Variants in DLG2 observed in about 807,000 individuals in gnomAD.
The protein encoded by DLG2 is disks large homolog 2.
Under a neutral mutation model 132.5 loss-of-function variants are expected in DLG2, and 45 were observed. The ratio of observed to expected loss-of-function variants is 0.34; its 90% CI spans 0.27 to 0.44. The LOEUF (loss-of-function observed/expected upper bound fraction) is 0.44. Among genes scored for constraint, DLG2 ranks in the 20% least tolerant of loss-of-function variants. DLG2 has a pLI of 1.00. For missense variants in DLG2, 1,045 were observed against 1,196.9 expected, an observed-to-expected ratio of 0.87 and a Z score of 1.87; for synonymous variants, 424 against 419.6, an observed-to-expected ratio of 1.01 and a Z score of -0.13.
At chr11:85,520,767 A>T (rs1014569286) in intron 3 of DLG2, among the ~76,000 whole-genome samples, 10 of 152,208 alleles carry the variant, frequency 6.6e-5, no homozygotes, top group African/African-American at 2.4e-4. Flanking sequence ...TGAAGAAAGG[A>T]TAGTCTCCTC....
intron 7 of DLG2, among the ~76,000 whole-genome samples, chr11:84,533,871 T>C (rs1018102525): frequency 2.2e-4 from 26 of 120,364 alleles, no homozygotes; most frequent in African/African-American, 8.1e-4. Context: ...AAGCTTTTTA[T>C]CCCAAACACA....
intron 6 of DLG2, among the ~76,000 whole-genome samples, chr11:84,806,775 T>C (rs992349612): frequency 1.3e-5 from 2 of 152,196 alleles, no homozygotes; most frequent in Non-Finnish European, 2.9e-5. Flanking sequence ...GTAAACCTTC[T>C]GGGCAAATAC....
chr11:85,080,130 C>G (rs992860586), intron 6 of DLG2, among the ~76,000 whole-genome samples: 2 of 152,062 alleles, frequency 1.3e-5, no homozygotes, highest in African/African-American at 4.8e-5. Context: ...TACAATCTCA[C>G]ATGCCCACCT....
intron 16 of DLG2, among the ~76,000 whole-genome samples, 197 bp downstream of exon 16, chr11:83,874,221 GAA>G (rs979109279): frequency 1.9e-5 from 1 of 51,954 alleles, no homozygotes; most frequent in African/African-American, 1.1e-4. Context: ...CAGAAAAAAA[GAA>G]AGAAAGAAAG....
At chr11:85,197,621 G>A (rs1309706103) in intron 4 of DLG2, among the ~76,000 whole-genome samples, 1 of 152,050 alleles carries the variant, frequency 6.6e-6, no homozygotes, top group Non-Finnish European at 1.5e-5. Flanking sequence ...TAGATTTCTA[G>A]ACATAAATTT....
chr11:83,652,042 G>A, intron 18 of DLG2: 1 of 292,316 alleles, frequency 3.4e-6, no homozygotes, highest in Non-Finnish European at 7.1e-6. Context: ...GCAGAAAAGA[G>A]AAAAAATTAT....
intron 7 of DLG2, among the ~76,000 whole-genome samples, chr11:84,503,306 A>G (rs1344782913): frequency 1.3e-5 from 2 of 152,208 alleles, no homozygotes; most frequent in Non-Finnish European, 2.9e-5. Context: ...ACTATGTGTG[A>G]AAGACCTAAT....
At chr11:84,975,304 G>T (rs772940627) in intron 6 of DLG2, among the ~76,000 whole-genome samples, 1 of 152,252 alleles carries the variant, frequency 6.6e-6, no homozygotes, top group South Asian at 2.1e-4. Flanking sequence ...TGCATAGGTG[G>T]GGTGATGATG....
chr11:84,827,676 C>CAAAAAAAAAAAAAAAAAAA (rs398016953), intron 6 of DLG2, among the ~76,000 whole-genome samples: 2 of 35,098 alleles, frequency 5.7e-5, no homozygotes, highest in African/African-American at 1.4e-4. Context: ...TACATACAGT[C>CAAAAAAAAAAAAAAAAAAA]AAAAAAAAAA....
chr11:84,236,841 A>AT (rs2097163890), intron 8 of DLG2, among the ~76,000 whole-genome samples: 1 of 151,818 alleles, frequency 6.6e-6, no homozygotes, highest in Admixed American at 6.6e-5. Flanking sequence ...ACTTGGAGAG[A>AT]TTTTTTAACA....
At chr11:85,259,771 T>A (rs1229754530) in intron 4 of DLG2, among the ~76,000 whole-genome samples, 1 of 152,034 alleles carries the variant, frequency 6.6e-6, no homozygotes, top group Non-Finnish European at 1.5e-5. Flanking sequence ...AATTATTTAA[T>A]ACATCCACAT....
At chr11:85,389,852 C>G (rs529375036) in intron 3 of DLG2, among the ~76,000 whole-genome samples, 1 of 152,118 alleles carries the variant, frequency 6.6e-6, no homozygotes, top group Non-Finnish European at 1.5e-5. Context: ...ATAAGAATTA[C>G]TAAAAGGAGC....
At chr11:85,040,118 A>G (rs1474022955) in intron 6 of DLG2, among the ~76,000 whole-genome samples, 5 of 151,954 alleles carry the variant, frequency 3.3e-5, no homozygotes, top group Admixed American at 6.6e-5. Flanking sequence ...ACAAAAGATC[A>G]TAAATTATAA....
chr11:85,045,957 A>C (rs2062305330), intron 6 of DLG2, among the ~76,000 whole-genome samples: 1 of 152,098 alleles, frequency 6.6e-6, no homozygotes, highest in East Asian at 1.9e-4. Context: ...TAAACGAATC[A>C]AATGATGCCA....
Position 85,019,186 on chromosome 11 carries a change from C to T in DLG2, c.357+92475G>A, listed in dbSNP as rs1566660768. On this transcript the variant is annotated intron_variant, in intron 6 of 27. Coordinates refer to ENST00000376104, the MANE Select transcript of DLG2 (RefSeq NM_001142699.3). The stretch of plus-strand genomic sequence containing the variant: ...TTACTTTGGAGACAGTTGATGAAAA[C>T]CATACATCCTTTTTATTGTTAAGTC... 2.0e-5 allele frequency among the ~76,000 whole-genome samples: 3 copies of T among 152,158 alleles called. No individual in the cohort carries two copies. The South Asian group carries it at 6.2e-4, about 32-fold the overall frequency.
intron 6 of DLG2, among the ~76,000 whole-genome samples, chr11:84,561,869 T>A (rs563131269): frequency 3.4e-4 from 52 of 152,274 alleles, no homozygotes; most frequent in African/African-American, 1.2e-3. Context: ...TCCTAAGTAC[T>A]GATGAACACT....
rs12272866 is a variant in DLG2 at position 84,543,469 on chromosome 11, A to G, written c.358-8738T>C. 1.6e-3 allele frequency among the ~76,000 whole-genome samples: 240 copies of G among 152,090 alleles called. 2 individuals are homozygous for G. The highest frequency in any genetic ancestry group is 5.6e-3 in the African/African-American group (231 of 41,518). ...ATAAACCTTGGCACATTTTTATTTT[A>G]CATTTATTTCTGTGATGATTCGCTG... On this transcript the variant is annotated intron_variant, in intron 6 of 27. Coordinates refer to ENST00000376104, the MANE Select transcript of DLG2 (RefSeq NM_001142699.3).
At position 83,963,009 on chromosome 11, in the gene DLG2, T is replaced by A. The variant is rs764812723; in HGVS notation, c.1216A>T (p.Met406Leu). ...TTGCCAGAGAGTAGATGGTTTTCCA[T>A]TGGTGGAGAATAAGCTAAGAGGTGG... Reference protein sequence around the residue: ...PDITHSYSPPMENHLLSGNNG... With the variant: ...PDITHSYSPPLENHLLSGNNG... Residue 406 changes from methionine to leucine, a missense_variant, in exon 14 of 28, where the codon ATG (methionine) becomes TTG (leucine). This residue lies in a region of DLG2 where 261 missense variants were observed against 256.1 expected (regional missense o/e 1.02). Transcript: ENST00000376104. 6.2e-7 allele frequency: 1 copy of A among 1,612,756 alleles called. No individual in the cohort carries two copies. The highest frequency in any genetic ancestry group is 1.7e-5 in the Admixed American group (1 of 59,946).
rs1300485807 is a variant in DLG2 at position 85,154,557 on chromosome 11, G to A, written c.281C>T (p.Thr94Ile). Residue 94 changes from threonine to isoleucine, a missense_variant and splice_region_variant, in exon 5 of 28, where the codon ACT becomes ATT. Coordinates refer to ENST00000376104, the MANE Select transcript of DLG2 (RefSeq NM_001142699.3). ...AAAAGAAAACAGTATAACACTTACA[G>A]TTGTCGTCTCATCAGTTTCATTTTC... Reference protein sequence around the residue: ...SFENETDETTTQNQGRCPAQN... With the variant: ...SFENETDETTIQNQGRCPAQN... 2.2e-5 allele frequency: 32 copies of A among 1,438,612 alleles called. No homozygotes were observed. The highest frequency in any genetic ancestry group is 3.0e-5 in the Non-Finnish European group (31 of 1,047,082). The allele number at this position is 1,438,612 out of a possible 1,614,324, so 89.1% of individuals were successfully genotyped here.
Sources: allele counts gnomAD v4.1 joint callset (sites outside exome capture counted in the v4.1 genomes callset), GRCh38; gene constraint gnomAD v4.1.1; regional missense constraint gnomAD v4.1.1; transcripts MANE v1.5; gene names NCBI Gene and HGNC (gene_info 2026-07-23, HGNC 2026-07-21).